Variants in ENTREP2 observed in about 807,000 individuals in gnomAD.
ENTREP2 encodes endosomal transmembrane epsin interactor 2, also known as protein ENTREP2.
At chr15:29,235,071 C>T in the ENTREP2 span, 1 of 1,102,348 alleles carries the variant, frequency 9.1e-7, no homozygotes, top group Admixed American at 1.7e-5. Context: ...CAGGACAGGT[C>T]CTCCAGCCCG....
the ENTREP2 span, among the ~76,000 whole-genome samples, chr15:29,501,051 A>T: frequency 3.9e-5 from 6 of 152,058 alleles, no homozygotes; most frequent in Admixed American, 3.9e-4. Flanking sequence ...AAATGAGTCA[A>T]CTTTTCTAAA....
chr15:29,293,785 G>C, the ENTREP2 span, among the ~76,000 whole-genome samples: 1 of 152,178 alleles, frequency 6.6e-6, no homozygotes, highest in East Asian at 1.9e-4. Flanking sequence ...ATGGAGTGTG[G>C]GGTCCACACC....
chr15:29,606,804 C>G, the ENTREP2 span, among the ~76,000 whole-genome samples: 1 of 151,908 alleles, frequency 6.6e-6, no homozygotes, highest in Non-Finnish European at 1.5e-5. Flanking sequence ...CCGATATTCT[C>G]AAGTGTGCAT....
At chr15:29,488,153 G>A in the ENTREP2 span, among the ~76,000 whole-genome samples, 1 of 152,094 alleles carries the variant, frequency 6.6e-6, no homozygotes, top group Non-Finnish European at 1.5e-5. Flanking sequence ...TGACTTAAAG[G>A]AAAGAAAGGA....
At chr15:29,136,473 G>C in the ENTREP2 span, 3 of 1,548,668 alleles carry the variant, frequency 1.9e-6, no homozygotes, top group Non-Finnish European at 2.6e-6. Flanking sequence ...GTGCCGAATG[G>C]AGACGGAGCA....
the ENTREP2 span, among the ~76,000 whole-genome samples, chr15:29,370,126 T>C: frequency 2.0e-5 from 3 of 152,194 alleles, no homozygotes; most frequent in South Asian, 4.1e-4. Context: ...AATAGCATAC[T>C]GGGAGACATA....
At chr15:29,260,584 A>G in the ENTREP2 span, among the ~76,000 whole-genome samples, 8 of 152,202 alleles carry the variant, frequency 5.3e-5, no homozygotes, top group Non-Finnish European at 1.0e-4. Context: ...GAGAATTCTT[A>G]TCTTTCAGAG....
chr15:29,511,720 T>C, the ENTREP2 span, among the ~76,000 whole-genome samples: 1 of 151,088 alleles, frequency 6.6e-6, no homozygotes, highest in African/African-American at 2.4e-5. Context: ...CTGTCACTTC[T>C]GCACCATTGG....
At chr15:29,643,216 G>A in the ENTREP2 span, among the ~76,000 whole-genome samples, 1 of 152,118 alleles carries the variant, frequency 6.6e-6, no homozygotes, top group South Asian at 2.1e-4. Context: ...ACAACATTAA[G>A]GTAGTTAAAA....
chr15:29,384,422 G>C, the ENTREP2 span, among the ~76,000 whole-genome samples: 1 of 152,034 alleles, frequency 6.6e-6, no homozygotes, highest in African/African-American at 2.4e-5. Flanking sequence ...TCACCTGCCC[G>C]ATGACAGCCT....
At chr15:29,144,702 C>CT in the ENTREP2 span, among the ~76,000 whole-genome samples, 1 of 151,920 alleles carries the variant, frequency 6.6e-6, no homozygotes, top group African/African-American at 2.4e-5. Flanking sequence ...TGCACTCCAG[C>CT]TGGGGGGACA....
the ENTREP2 span, among the ~76,000 whole-genome samples, chr15:29,448,341 C>T: frequency 6.6e-6 from 1 of 152,142 alleles, no homozygotes; most frequent in Admixed American, 6.5e-5. Flanking sequence ...TCAAGAATCT[C>T]CCTGGCAGAT....
At chr15:29,417,119 A>G in the ENTREP2 span, among the ~76,000 whole-genome samples, 4 of 152,220 alleles carry the variant, frequency 2.6e-5, no homozygotes, top group Admixed American at 6.5e-5. Flanking sequence ...TAGAAATACT[A>G]TTTGACCCAG....
At chr15:29,478,020 T>TATATATATATATATA in the ENTREP2 span, among the ~76,000 whole-genome samples, 2 of 37,840 alleles carry the variant, frequency 5.3e-5, no homozygotes, top group African/African-American at 3.6e-4. Context: ...TATATATATA[T>TATATATATATATATA]TTTTTTTTTT....
chr15:29,641,553 T>A, the ENTREP2 span, among the ~76,000 whole-genome samples: 1 of 152,066 alleles, frequency 6.6e-6, no homozygotes. Context: ...AAAAACAGGC[T>A]GGGCACGGTG....
chr15:29,490,750 T>A, the ENTREP2 span, among the ~76,000 whole-genome samples: 1 of 152,122 alleles, frequency 6.6e-6, no homozygotes, highest in African/African-American at 2.4e-5. Flanking sequence ...TATACAATCC[T>A]CCAGCTAGAC....
chr15:29,224,487 T>G, the ENTREP2 span, among the ~76,000 whole-genome samples: 4 of 152,180 alleles, frequency 2.6e-5, no homozygotes, highest in African/African-American at 4.8e-5. Context: ...GAGAGCCGAT[T>G]GGTCTGTTTT....
At chr15:29,233,754 G>A in the ENTREP2 span, 7 of 1,502,504 alleles carry the variant, frequency 4.7e-6, no homozygotes, top group Non-Finnish European at 6.5e-6. Context: ...ACAGAAGAAG[G>A]TGAATCAGTC....
the ENTREP2 span, among the ~76,000 whole-genome samples, chr15:29,645,889 C>T: frequency 1.3e-5 from 2 of 152,244 alleles, no homozygotes; most frequent in Non-Finnish European, 2.9e-5. Flanking sequence ...AGACATAATA[C>T]TTTTGTGGGA....
Sources: gnomAD v4.1 joint callset for allele counts (sites outside exome capture counted in the v4.1 genomes callset) on GRCh38, gnomAD v4.1.1 for gene constraint, MANE v1.5 for transcripts, NCBI Gene and HGNC (gene_info 2026-07-23, HGNC 2026-07-21) for gene names.